Variants in DMD observed in about 807,000 individuals in gnomAD.
DMD encodes the protein dystrophin.
In DMD, 63 loss-of-function variants were observed where a neutral mutation model predicts 330.1. The observed-to-expected ratio is 0.19, with a 90% CI of 0.16 to 0.24. The LOEUF (loss-of-function observed/expected upper bound fraction) is 0.24, where lower values mean the gene tolerates loss of function less well. Among genes scored for constraint, DMD ranks in the 10% least tolerant of loss-of-function variants. The pLI is 1.00. For missense variants in DMD, 3,344 were observed against 2,684.1 expected, an observed-to-expected ratio of 1.25 and a Z score of -5.43; for synonymous variants, 1,223 against 959.8, an observed-to-expected ratio of 1.27 and a Z score of -5.07.
chrX:33,165,551 T>C (rs1327389133), intron 1 of DMD, among the ~76,000 whole-genome samples: 1 of 110,875 alleles, frequency 9.0e-6, no homozygotes, highest in Non-Finnish European at 1.9e-5. Flanking sequence ...CACAAAGGTG[T>C]GTTTAGAATA....
chrX:32,478,238 C>G lies in DMD; in HGVS notation c.2804-5929G>C, dbSNP rs186690009. ...GAAATCGAGTCCAATTTGAATTCCC[C>G]ATTATTACCTGTGGGGAAAAAAATG... is the stretch of plus-strand genomic sequence containing the variant. On this transcript the variant is annotated intron_variant, in intron 21 of 78. Transcript: ENST00000357033. Among the ~76,000 whole-genome samples the G allele has an allele frequency of 8.1e-5, 9 of 111,114 alleles. No homozygotes were observed. The East Asian group carries it at 2.3e-3, about 28-fold the overall frequency.
intron 50 of DMD, among the ~76,000 whole-genome samples, chrX:31,811,933 G>T (rs1227492622): frequency 1.8e-5 from 2 of 111,022 alleles, no homozygotes; most frequent in East Asian, 2.8e-4. Context: ...AAGAATGCAA[G>T]AACTAATTGC....
At chrX:32,253,422 T>C (rs369594719) in intron 43 of DMD, among the ~76,000 whole-genome samples, 2 of 110,584 alleles carry the variant, frequency 1.8e-5, no homozygotes, top group East Asian at 5.7e-4. Flanking sequence ...ACATAGGGCA[T>C]ATGGCAGAAC....
chrX:32,818,807 C>G (rs2077971345), intron 5 of DMD, among the ~76,000 whole-genome samples: 1 of 109,770 alleles, frequency 9.1e-6, no homozygotes, highest in African/African-American at 3.3e-5. Context: ...CACACCCTCT[C>G]TAGGGCAACC....
intron 44 of DMD, among the ~76,000 whole-genome samples, chrX:32,068,141 T>A (rs182012241): frequency 9.0e-6 from 1 of 111,564 alleles, no homozygotes; most frequent in African/African-American, 3.3e-5. Flanking sequence ...ATTGGCTGCG[T>A]GTATATCTTC....
At chrX:32,431,616 T>C (rs1443530747) in intron 29 of DMD, among the ~76,000 whole-genome samples, 1 of 111,559 alleles carries the variant, frequency 9.0e-6, no homozygotes, top group African/African-American at 3.3e-5. Context: ...AAATCATTTC[T>C]TTCAACTAAT....
At chrX:32,253,700 T>G (rs1387074941) in intron 43 of DMD, among the ~76,000 whole-genome samples, 1 of 106,972 alleles carries the variant, frequency 9.3e-6, no homozygotes, top group Non-Finnish European at 1.9e-5. Flanking sequence ...CTTGGCTCAC[T>G]GCAACCTCCG....
rs191250742 is a variant in DMD, at chrX:32,628,648, A to G, written c.1332-14195T>C. On this transcript the variant is annotated intron_variant, in intron 11 of 78. Coordinates refer to ENST00000357033, the MANE Select transcript of DMD (RefSeq NM_004006.3). ...GTTCTTCTGCTTTTTTGATGTAGGT[A>G]TTTATACCTATAAACTTTCCTCATA... 1.3e-4 allele frequency among the ~76,000 whole-genome samples: 14 copies of G among 110,132 alleles called. No individual in the cohort carries two copies. In the East Asian group the frequency reaches 4.0e-3, roughly 32 times the overall value.
intron 1 of DMD, among the ~76,000 whole-genome samples, chrX:33,289,508 T>TC (rs1305454277): frequency 1.8e-5 from 2 of 111,835 alleles, no homozygotes; most frequent in Non-Finnish European, 3.8e-5. Flanking sequence ...AACTATTTTT[T>TC]AAGTGTTTGT....
chrX:32,416,437 A>G (rs16990333), intron 29 of DMD, among the ~76,000 whole-genome samples: 15,812 of 111,391 alleles, frequency 0.14, 922 homozygotes, highest in African/African-American at 0.21. Flanking sequence ...AAACATTTCA[A>G]TTTCCAGCAG....
At chrX:33,110,313 G>C (rs1049639681) in intron 1 of DMD, among the ~76,000 whole-genome samples, 8 of 111,213 alleles carry the variant, frequency 7.2e-5, no homozygotes, top group African/African-American at 2.6e-4. Context: ...TTTGGCATCT[G>C]GTGAAGCATA....
chrX:33,145,736 AC>A (rs772106849), intron 1 of DMD, among the ~76,000 whole-genome samples: 7 of 109,837 alleles, frequency 6.4e-5, no homozygotes, highest in Admixed American at 2.0e-4. Context: ...TCTGAAATAT[AC>A]CGGTCTCTCA....
At chrX:31,565,621 A>C (rs2075425397) in intron 55 of DMD, among the ~76,000 whole-genome samples, 1 of 111,862 alleles carries the variant, frequency 8.9e-6, no homozygotes, top group South Asian at 3.7e-4. Flanking sequence ...ACAGGTTGTA[A>C]GATAAATGTC....
rs1169160513 is a variant in DMD at position 32,699,135 on chromosome X, G to A, written c.808C>T (p.His270Tyr). The A allele has an allele frequency of 2.5e-5, 30 of 1,208,118 alleles. No individual in the cohort carries two copies. Among genetic ancestry groups the A allele is most frequent in the Non-Finnish European group, 3.2e-5 (29 of 893,782 alleles). Residue 270 changes from histidine (H) to tyrosine (Y), a missense_variant, in exon 8 of 79, where the codon CAT becomes TAT. By Grantham distance (83) the His-to-Tyr change is moderately conservative. Transcript: ENST00000357033. ...ACCTGTTGAGAATAGTGCATTTGAT[G>A]ATGTAACTGAAAATGTTCTTCTTTA... ...VTKEEHFQLHHQMHYSQQITV... is the reference protein window; with the variant it reads ...VTKEEHFQLHYQMHYSQQITV...
intron 50 of DMD, among the ~76,000 whole-genome samples, chrX:31,799,235 T>G (rs1278724467): frequency 8.9e-6 from 1 of 112,389 alleles, no homozygotes; most frequent in East Asian, 2.8e-4. Flanking sequence ...TGTATTAGTC[T>G]GTTCTCATGC....
At chrX:33,320,336 G>T (rs1007667491) in intron 1 of DMD, among the ~76,000 whole-genome samples, 1 of 111,655 alleles carries the variant, frequency 9.0e-6, no homozygotes, top group Non-Finnish European at 1.9e-5. Flanking sequence ...AAAGTTGAAT[G>T]AATATGTACA....
At chrX:31,634,718 A>G (rs1462862742) in intron 54 of DMD, among the ~76,000 whole-genome samples, 2 of 111,314 alleles carry the variant, frequency 1.8e-5, no homozygotes, top group Non-Finnish European at 3.8e-5. Flanking sequence ...GGAAACAACC[A>G]TAATTATACA....
intron 21 of DMD, among the ~76,000 whole-genome samples, chrX:32,483,158 T>TATATACCATTTCATTCCATATATAA (rs2042073135): frequency 1.2e-5 from 1 of 83,331 alleles, no homozygotes; most frequent in African/African-American, 3.9e-5. Flanking sequence ...TATATATATA[T>TATATACCATTTCATTCCATATATAA]ATATATACAC....
chrX:32,698,032 G>T, intron 8 of DMD, 34 bp from the exon 9 acceptor site: 4 of 1,167,977 alleles, frequency 3.4e-6, no homozygotes, highest in Non-Finnish European at 4.6e-6. Flanking sequence ...TGGATAGAGA[G>T]GAGGGGGAAA....
Sources: allele counts gnomAD v4.1 joint callset (sites outside exome capture counted in the v4.1 genomes callset), GRCh38; gene constraint gnomAD v4.1.1; transcripts MANE v1.5; gene names NCBI Gene and HGNC (gene_info 2026-07-23, HGNC 2026-07-21).